SUPV3L1: variants seen among roughly 807,000 people sequenced by gnomAD.
SUPV3L1 encodes ATP-dependent RNA helicase SUPV3L1, mitochondrial.
SUPV3L1 carries 35 observed loss-of-function variants against 70.0 expected under a neutral mutation model. The observed-to-expected ratio is 0.50, with a 90% CI of 0.38 to 0.66. The LOEUF (loss-of-function observed/expected upper bound fraction) is 0.66, where lower values mean the gene tolerates loss of function less well. Ranked by LOEUF, SUPV3L1 falls within the 30% of genes least tolerant of loss-of-function variation. SUPV3L1 has a pLI of 0.00. For synonymous variants in SUPV3L1, 364 were observed against 341.9 expected (o/e 1.06, Z -0.71); for missense variants, 777 against 961.5 (o/e 0.81, Z 2.54).
intron 1 of SUPV3L1, among the ~76,000 whole-genome samples, chr10:69,181,086 G>A (rs1275509729): frequency 6.6e-6 from 1 of 152,230 alleles, no homozygotes; most frequent in African/African-American, 2.4e-5. Context: ...TGTATGGAAA[G>A]TGAACTGTAA....
chr10:69,208,761 A>G lies in SUPV3L1; in HGVS notation c.2087A>G (p.Gln696Arg). ...TTGGAGGGCTTTCCATCAGGGAGCC[A>G]GTCACGATTGTCAGGAACCTTAAAG... ...LNLEGFPSGS[Q>R]SRLSGTLKSQ... Residue 696 changes from glutamine (Q) to arginine (R), a missense_variant, in exon 15 of 15, where the codon CAG becomes CGG. Around this residue, in one of 2 missense-constraint regions of SUPV3L1, gnomAD observed 619 missense variants for 823.3 expected, o/e 0.75. Coordinates refer to ENST00000359655, the MANE Select transcript of SUPV3L1 (RefSeq NM_003171.5). 2.5e-6 allele frequency: 4 copies of G among 1,614,188 alleles called. No homozygotes were observed. Among genetic ancestry groups the G allele is most frequent in the Middle Eastern group, 1.6e-4 (1 of 6,062 alleles).
intron 1 of SUPV3L1, among the ~76,000 whole-genome samples, chr10:69,184,289 G>A (rs763305914): frequency 5.9e-5 from 9 of 152,128 alleles, no homozygotes; most frequent in Non-Finnish European, 1.3e-4. Context: ...AGCACTTTGG[G>A]AGGCTGAGGC....
intron 11 of SUPV3L1, among the ~76,000 whole-genome samples, chr10:69,201,230 C>T (rs541589315): frequency 2.0e-5 from 3 of 152,256 alleles, no homozygotes; most frequent in African/African-American, 7.2e-5. Flanking sequence ...ATGTCTTGGA[C>T]TCTTCTTCCC....
intron 6 of SUPV3L1, chr10:69,192,239 G>A (rs890167081): frequency 5.9e-5 from 9 of 152,798 alleles, no homozygotes; most frequent in African/African-American, 2.2e-4. Flanking sequence ...ACTGACAAAT[G>A]CCTGCACCTG....
chr10:69,196,502 T>C (rs1329534896), intron 7 of SUPV3L1, among the ~76,000 whole-genome samples: 1 of 147,448 alleles, frequency 6.8e-6, no homozygotes, highest in African/African-American at 2.5e-5. Context: ...CTCTGTCTCA[T>C]GGAAAAAAAA....
intron 13 of SUPV3L1, 54 bp downstream of exon 13, chr10:69,203,097 C>T (rs1341061413): frequency 2.0e-6 from 3 of 1,509,822 alleles, no homozygotes; most frequent in Non-Finnish European, 2.7e-6. Flanking sequence ...TGCAGGTTCC[C>T]CAAACAGTAC....
chr10:69,180,503 C>T lies in SUPV3L1; in HGVS notation c.212C>T (p.Pro71Leu). The part of the protein sequence containing the change: ...TSLFVPLTVK[P>L]QGPSADGDVG... Reference sequence around the variant, plus strand: ...TTGTTCGTGCCCCTGACTGTGAAACCTCAGGGCCCCAGCGCCGACGGCGAC... The same window carrying T: ...TTGTTCGTGCCCCTGACTGTGAAACTTCAGGGCCCCAGCGCCGACGGCGAC... Residue 71 changes from proline (P) to leucine (L), a missense_variant, in exon 1 of 15, where the codon CCT (proline) becomes CTT (leucine). Physicochemically the swap from Pro to Leu is moderately conservative, Grantham distance 98. Around this residue, in one of 2 missense-constraint regions of SUPV3L1, gnomAD observed 158 missense variants for 138.3 expected, o/e 1.14. Transcript: ENST00000359655. The T allele has an allele frequency of 6.2e-7, 1 of 1,614,244 alleles. No homozygotes were observed. Among genetic ancestry groups the T allele is most frequent in the Non-Finnish European group, 8.5e-7 (1 of 1,180,050 alleles).
Position 69,191,645 on chromosome 10 carries a change from G to A in SUPV3L1, c.742-10G>A, listed in dbSNP as rs1842400904. ...TTTCAATAATTCTAGTTTTTTTTCT[G>A]TCTTTCTAGGGTGTGCCATGTGACT... On this transcript the variant is annotated splice_polypyrimidine_tract_variant and intron_variant, in intron 5 of 14. Transcript: ENST00000359655. 6.3e-7 allele frequency: 1 copy of A among 1,577,796 alleles called. No homozygotes were observed. The highest frequency in any genetic ancestry group is 1.3e-5 in the African/African-American group (1 of 74,148).
At chr10:69,201,741 G>A (rs1406294196) in intron 11 of SUPV3L1, among the ~76,000 whole-genome samples, 3 of 151,542 alleles carry the variant, frequency 2.0e-5, no homozygotes, top group Admixed American at 2.0e-4. Flanking sequence ...ATCTCCTTTT[G>A]TTGCCCAGGC....
At chr10:69,182,793 TC>T in intron 1 of SUPV3L1, 1 of 628,408 alleles carries the variant, frequency 1.6e-6, no homozygotes, top group Non-Finnish European at 2.0e-6. Flanking sequence ...GTGTCAGATT[TC>T]CACTTAGCTT....
In SUPV3L1 at chr10:69,180,465, A is replaced by G; in HGVS notation, c.174A>G (p.Ile58Met). The G allele has an allele frequency of 6.2e-7, 1 of 1,614,188 alleles. No individual in the cohort carries two copies. Among genetic ancestry groups the G allele is most frequent in the Non-Finnish European group, 8.5e-7 (1 of 1,180,036 alleles). ...CCTCTGCCTCCGGTGGCTCCAAAATACCAAACACGTCCTTGTTCGTGCCCC... is the reference window on the plus strand; with the variant it reads ...CCTCTGCCTCCGGTGGCTCCAAAATGCCAAACACGTCCTTGTTCGTGCCCC... ...ASSSASGGSKIPNTSLFVPLT... is the reference protein window; with the variant it reads ...ASSSASGGSKMPNTSLFVPLT... The change falls in exon 1 of 15, where the codon ATA (isoleucine) becomes ATG (methionine). Residue 58 changes from isoleucine to methionine, a missense_variant. Physicochemically the swap from Ile to Met is conservative, Grantham distance 10. This residue lies in a region of SUPV3L1 where 158 missense variants were observed against 138.3 expected (regional missense o/e 1.14). Transcript: ENST00000359655.
intron 8 of SUPV3L1, 119 bp from the exon 9 acceptor site, chr10:69,198,253 A>G: frequency 2.5e-6 from 2 of 787,324 alleles, no homozygotes; most frequent in Non-Finnish European, 3.9e-6. Flanking sequence ...CTTTTGAAAA[A>G]CATTGGTACT....
chr10:69,201,876 C>CT (rs1842691017), intron 11 of SUPV3L1, among the ~76,000 whole-genome samples: 1 of 140,118 alleles, frequency 7.1e-6, no homozygotes, highest in African/African-American at 2.7e-5. Flanking sequence ...GAGTCTTGCT[C>CT]TGTCGCCAGG....
Position 69,186,034 on chromosome 10 carries a change from C to A in SUPV3L1, c.319C>A (p.Gln107Lys), listed in dbSNP as rs1475321467. Residue 107 changes from glutamine to lysine, a missense_variant, in exon 2 of 15, where the codon CAG (glutamine) becomes AAG (lysine). By Grantham distance (53) the Gln-to-Lys change is moderately conservative. Transcript: ENST00000359655. The stretch of plus-strand genomic sequence containing the variant: ...CAAATTTTACAAGAGGAAAGAAATT[C>A]AGAAACTGGGTGCTGATTATGGACT... ...LDKFYKRKEI[Q>K]KLGADYGLDA... 1.9e-6 allele frequency: 3 copies of A among 1,613,708 alleles called. No homozygotes were observed. Among genetic ancestry groups the A allele is most frequent in the Admixed American group, 3.3e-5 (2 of 59,934 alleles).
At chr10:69,190,912 A>G (rs1459377177) in intron 5 of SUPV3L1, among the ~76,000 whole-genome samples, 2 of 152,266 alleles carry the variant, frequency 1.3e-5, no homozygotes, top group Non-Finnish European at 2.9e-5. Flanking sequence ...TGGGGAACCC[A>G]TTAGTCCTAG....
At chr10:69,187,444 C>T (rs754666226) in intron 3 of SUPV3L1, 198 bp from the exon 4 acceptor site, 7 of 370,012 alleles carry the variant, frequency 1.9e-5, no homozygotes, top group Middle Eastern at 8.3e-4. Flanking sequence ...CCTCAACCTC[C>T]TGGGCTCAAG....
intron 2 of SUPV3L1, 114 bp from the exon 3 acceptor site, chr10:69,186,325 CAAAA>C (rs34197871): frequency 6.0e-4 from 238 of 399,392 alleles, no homozygotes; most frequent in East Asian, 3.3e-3. Context: ...GCTGTACTGC[CAAAA>C]AAAAAAAAAA....
chr10:69,186,437 C>T lies in SUPV3L1; in HGVS notation c.350-6C>T. 6.2e-7 allele frequency: 1 copy of T among 1,602,546 alleles called. No individual in the cohort carries two copies. Among genetic ancestry groups the T allele is most frequent in the South Asian group, 1.1e-5 (1 of 90,786 alleles). ...CCTTACATCTTTTCATTTTGTGTTTCTACAGCTCGTCTCTTCCACCAAGCT... is the reference window on the plus strand; with the variant it reads ...CCTTACATCTTTTCATTTTGTGTTTTTACAGCTCGTCTCTTCCACCAAGCT... On this transcript the variant is annotated splice_polypyrimidine_tract_variant and splice_region_variant and intron_variant, in intron 2 of 14. Transcript: ENST00000359655.
chr10:69,199,338 C>G, intron 10 of SUPV3L1, 141 bp downstream of exon 10: 1 of 665,230 alleles, frequency 1.5e-6, no homozygotes, highest in Non-Finnish European at 2.5e-6. Context: ...TGAGGTTTGT[C>G]TTGCCTACAC....
Sources: allele counts gnomAD v4.1 joint callset (sites outside exome capture counted in the v4.1 genomes callset), GRCh38; gene constraint gnomAD v4.1.1; regional missense constraint gnomAD v4.1.1; transcripts MANE v1.5; gene names NCBI Gene and HGNC (gene_info 2026-07-23, HGNC 2026-07-21).